CBFA2T2: variants seen among roughly 807,000 people sequenced by gnomAD.
The protein encoded by CBFA2T2 is protein CBFA2T2.
In CBFA2T2, 11 loss-of-function variants were observed where a neutral mutation model predicts 62.2. The ratio of observed to expected loss-of-function variants is 0.18; its 90% CI spans 0.11 to 0.29. The LOEUF is 0.29. CBFA2T2 is among the 10% of genes least tolerant of loss of function. The probability of loss-of-function intolerance (pLI) is 1.00; values close to 1 mark genes in which losing one functional copy is unlikely to be tolerated. For synonymous variants in CBFA2T2, 295 were observed against 287.5 expected (o/e 1.03, Z -0.27); for missense variants, 592 against 774.1 (o/e 0.76, Z 2.79).
chr20:33,627,626 C>T (rs1320744896), intron 6 of CBFA2T2, among the ~76,000 whole-genome samples: 1 of 152,118 alleles, frequency 6.6e-6, no homozygotes, highest in Non-Finnish European at 1.5e-5. Flanking sequence ...CCCACCCCAC[C>T]ACACCTGGCT....
At chr20:33,630,018 C>A in intron 8 of CBFA2T2, 104 bp downstream of exon 8, 4 of 1,001,284 alleles carry the variant, frequency 4.0e-6, no homozygotes, top group Non-Finnish European at 5.7e-6. Context: ...AAAGGTGGTA[C>A]TCAATTGTGG....
At chr20:33,637,290 C>T (rs1040809383) in intron 9 of CBFA2T2, among the ~76,000 whole-genome samples, 2 of 152,166 alleles carry the variant, frequency 1.3e-5, no homozygotes, top group African/African-American at 4.8e-5. Flanking sequence ...CTTCTTGCCT[C>T]CCCATCCCAG....
chr20:33,605,732 A>G (rs534152406), intron 1 of CBFA2T2, among the ~76,000 whole-genome samples: 70 of 152,178 alleles, frequency 4.6e-4, no homozygotes, highest in Middle Eastern at 6.8e-3. Context: ...TGACATTTAC[A>G]TGTTTGAGGT....
Position 33,649,561 on chromosome 20 carries a change from G to A in CBFA2T2, c.*4915G>A, listed in dbSNP as rs984396412. The A allele has an allele frequency of 3.3e-5, 5 of 152,338 alleles. No homozygotes were observed. Among genetic ancestry groups the A allele is most frequent in the Admixed American group, 6.5e-5 (1 of 15,282 alleles). 9.4% of individuals were successfully genotyped at this position (152,338 alleles called of 1,614,324 possible). The stretch of plus-strand genomic sequence containing the variant: ...ACAGACCCCATCTGGTCGAGCCTAC[G>A]GCTGCCCAGTGTACACTCAGTGATG... On this transcript the variant is annotated 3_prime_UTR_variant, in exon 11 of 11. Transcript: ENST00000342704.
Position 33,646,249 on chromosome 20 carries a change from C to G in CBFA2T2, c.*1603C>G, listed in dbSNP as rs1450634546. The G allele has an allele frequency of 6.6e-6, 1 of 152,214 alleles. No homozygotes were observed. Among genetic ancestry groups the G allele is most frequent in the Non-Finnish European group, 1.5e-5 (1 of 68,110 alleles). 9.4% of individuals were successfully genotyped at this position (152,214 alleles called of 1,614,324 possible). A position where few individuals can be genotyped will look rare whatever the true frequency, so the allele number is the denominator to read the frequency against. On this transcript the variant is annotated 3_prime_UTR_variant, in exon 11 of 11. Coordinates refer to ENST00000342704, the MANE Select transcript of CBFA2T2 (RefSeq NM_001032999.3). ...GAACTCCTGACCTCAGGTGACCTGC[C>G]TTGGCCTCCCAAAGTGCAGGGATTA...
rs1306091559 is a variant in CBFA2T2, at chr20:33,624,762, A to T, written c.693-2A>T. 1 of 1,613,990 alleles carries T rather than the reference A, an allele frequency of 6.2e-7. No homozygotes were observed. Among genetic ancestry groups the T allele is most frequent in the Admixed American group, 1.7e-5 (1 of 60,008 alleles). The stretch of plus-strand genomic sequence containing the variant: ...AGATACGCACTTCTGCTTCTTCTAC[A>T]GGAGAGAAGAGAATAGTTTTGATAG... On this transcript the variant is annotated splice_acceptor_variant, in intron 5 of 10. Coordinates refer to ENST00000342704, the MANE Select transcript of CBFA2T2 (RefSeq NM_001032999.3). LOFTEE classifies it high-confidence loss of function.
At chr20:33,567,028 C>T (rs2013347899) in intron 1 of CBFA2T2, among the ~76,000 whole-genome samples, 1 of 152,122 alleles carries the variant, frequency 6.6e-6, no homozygotes, top group Admixed American at 6.6e-5. Flanking sequence ...AAGTTCAAGT[C>T]AGTAAATAAA....
intron 1 of CBFA2T2, among the ~76,000 whole-genome samples, chr20:33,502,060 G>A (rs1796157130): frequency 6.6e-6 from 1 of 152,202 alleles, no homozygotes; most frequent in Non-Finnish European, 1.5e-5. Flanking sequence ...AAAGTACTGG[G>A]ATCACAGGCG....
intron 6 of CBFA2T2, among the ~76,000 whole-genome samples, chr20:33,626,778 T>C (rs963479723): frequency 6.6e-6 from 1 of 152,180 alleles, no homozygotes; most frequent in Non-Finnish European, 1.5e-5. Context: ...CCTGGCATCA[T>C]GTAGTGGGAT....
chr20:33,494,380 C>T (rs1477531778), intron 1 of CBFA2T2, among the ~76,000 whole-genome samples: 3 of 134,976 alleles, frequency 2.2e-5, no homozygotes, highest in Non-Finnish European at 4.6e-5. Flanking sequence ...CTCCTGGGTT[C>T]ACGCCATTCT....
At chr20:33,521,105 T>G (rs996025549) in intron 1 of CBFA2T2, among the ~76,000 whole-genome samples, 3 of 150,974 alleles carry the variant, frequency 2.0e-5, no homozygotes, top group Non-Finnish European at 4.4e-5. Context: ...ATTTAAGGCT[T>G]TAGGGGGAGA....
At chr20:33,551,563 C>T (rs902821301) in intron 1 of CBFA2T2, among the ~76,000 whole-genome samples, 12 of 151,552 alleles carry the variant, frequency 7.9e-5, no homozygotes, top group African/African-American at 2.9e-4. Context: ...TTGATTCTCT[C>T]TCTGTCACCC....
chr20:33,609,009 A>G (rs542816392), intron 2 of CBFA2T2, among the ~76,000 whole-genome samples: 49 of 151,652 alleles, frequency 3.2e-4, no homozygotes, highest in Middle Eastern at 3.4e-3. Flanking sequence ...ACACAAGAAA[A>G]CTCACCCCTT....
At chr20:33,642,116 T>TGTGTG (rs1555851384) in intron 10 of CBFA2T2, among the ~76,000 whole-genome samples, 70 of 59,046 alleles carry the variant, frequency 1.2e-3, no homozygotes, top group East Asian at 3.5e-3. Flanking sequence ...TTTTTTTTTT[T>TGTGTG]TGTGTGTGTG....
chr20:33,517,676 T>C (rs1013220809), intron 1 of CBFA2T2, among the ~76,000 whole-genome samples: 1 of 121,724 alleles, frequency 8.2e-6, no homozygotes, highest in African/African-American at 2.9e-5. Flanking sequence ...TTGGCTAGGC[T>C]GCTATATTTT....
chr20:33,649,822 G>A lies in CBFA2T2; in HGVS notation c.*5176G>A, dbSNP rs1222061379. 1 of 152,592 alleles carries A rather than the reference G, an allele frequency of 6.6e-6. No homozygotes were observed. Among genetic ancestry groups the A allele is most frequent in the Non-Finnish European group, 1.5e-5 (1 of 68,044 alleles). 9.5% of individuals were successfully genotyped at this position (152,592 alleles called of 1,614,324 possible). A position where few individuals can be genotyped will look rare whatever the true frequency, so the allele number is the denominator to read the frequency against. The stretch of plus-strand genomic sequence containing the variant: ...ATAGAAAACGAAGCCTCCACGCGTG[G>A]TTTTTAAAGGGGGATGATGAATGTG... On this transcript the variant is annotated 3_prime_UTR_variant, in exon 11 of 11. Coordinates refer to ENST00000342704, the MANE Select transcript of CBFA2T2 (RefSeq NM_001032999.3).
rs539705378 is a variant in CBFA2T2 at position 33,540,520 on chromosome 20, C to G, written c.34+50219C>G. Reference sequence around the variant, plus strand: ...CCACCTTTATTGACTGAAACTTCAGCTAAAAATGATAAACCTGATTAATAT... The same window carrying G: ...CCACCTTTATTGACTGAAACTTCAGGTAAAAATGATAAACCTGATTAATAT... On this transcript the variant is annotated intron_variant, in intron 1 of 10. Coordinates refer to ENST00000342704, the MANE Select transcript of CBFA2T2 (RefSeq NM_001032999.3). Among the ~76,000 whole-genome samples, 4 of 152,268 alleles carry G rather than the reference C, an allele frequency of 2.6e-5. No individual in the cohort carries two copies. In the South Asian group the frequency reaches 8.3e-4, roughly 32 times the overall value.
At chr20:33,634,455 T>C (rs1477392549) in intron 8 of CBFA2T2, among the ~76,000 whole-genome samples, 3 of 151,990 alleles carry the variant, frequency 2.0e-5, no homozygotes, top group Non-Finnish European at 4.4e-5. Flanking sequence ...GCAAATCGCT[T>C]AAACTCAGGA....
chr20:33,529,941 C>A (rs549461282), intron 1 of CBFA2T2, among the ~76,000 whole-genome samples: 16 of 151,810 alleles, frequency 1.1e-4, no homozygotes, highest in Non-Finnish European at 2.2e-4. Context: ...TGCGCCATCA[C>A]ACCTGGATAA....
Sources: gnomAD v4.1 joint callset for allele counts (sites outside exome capture counted in the v4.1 genomes callset) on GRCh38, gnomAD v4.1.1 for gene constraint, MANE v1.5 for transcripts, NCBI Gene and HGNC (gene_info 2026-07-23, HGNC 2026-07-21) for gene names.